Variants in NPAS3 observed in about 807,000 individuals in gnomAD.
NPAS3 encodes neuronal PAS domain protein 3.
NPAS3 carries 14 observed loss-of-function variants against 73.1 expected under a neutral mutation model. That is an observed-to-expected ratio of 0.19 (90% CI 0.13 to 0.30). The LOEUF (loss-of-function observed/expected upper bound fraction) is 0.30, where lower values mean the gene tolerates loss of function less well. Ranked by LOEUF, NPAS3 falls within the 10% of genes least tolerant of loss-of-function variation. The pLI, the probability that NPAS3 is intolerant of heterozygous loss-of-function variation, is 1.00. For synonymous variants in NPAS3, 620 were observed against 541.5 expected, an observed-to-expected ratio of 1.14 and a Z score of -2.01; for missense variants, 1,096 against 1,250.0, an observed-to-expected ratio of 0.88 and a Z score of 1.86.
At chr14:33,501,319 T>C (rs946476697) in intron 4 of NPAS3, among the ~76,000 whole-genome samples, 1 of 151,894 alleles carries the variant, frequency 6.6e-6, no homozygotes, top group South Asian at 2.1e-4. Context: ...AGCTCAGTAA[T>C]AGGTATTTTG....
chr14:33,331,907 C>T (rs997134967), intron 3 of NPAS3, among the ~76,000 whole-genome samples: 3 of 152,304 alleles, frequency 2.0e-5, no homozygotes, highest in South Asian at 4.1e-4. Flanking sequence ...GTGTTTATAT[C>T]GGATTCCCTG....
intron 2 of NPAS3, among the ~76,000 whole-genome samples, chr14:33,075,116 C>G (rs915878727): frequency 3.3e-5 from 5 of 152,116 alleles, no homozygotes; most frequent in African/African-American, 1.2e-4. Flanking sequence ...TCAGCATCAA[C>G]CCAGTTTTTG....
At chr14:33,554,106 C>A (rs2055243660) in intron 4 of NPAS3, among the ~76,000 whole-genome samples, 2 of 152,196 alleles carry the variant, frequency 1.3e-5, no homozygotes, top group African/African-American at 4.8e-5. Context: ...TCCAGCCAGG[C>A]TTCTCATATG....
At chr14:33,239,914 T>A (rs1039991219) in intron 3 of NPAS3, among the ~76,000 whole-genome samples, 2 of 151,838 alleles carry the variant, frequency 1.3e-5, no homozygotes. Flanking sequence ...GAAAAACTTA[T>A]GAGAGAATGC....
intron 4 of NPAS3, among the ~76,000 whole-genome samples, chr14:33,437,514 A>G (rs2049039826): frequency 6.6e-6 from 1 of 152,194 alleles, no homozygotes; most frequent in African/African-American, 2.4e-5. Flanking sequence ...CAAGGAATCC[A>G]ATTGACTGTC....
At chr14:33,573,552 A>G (rs1179797683) in intron 5 of NPAS3, among the ~76,000 whole-genome samples, 1 of 152,194 alleles carries the variant, frequency 6.6e-6, no homozygotes, top group African/African-American at 2.4e-5. Context: ...AGGGTTTGAA[A>G]GGCATTTTCC....
At chr14:33,747,570 A>G (rs1161195502) in intron 7 of NPAS3, among the ~76,000 whole-genome samples, 1 of 152,210 alleles carries the variant, frequency 6.6e-6, no homozygotes, top group Non-Finnish European at 1.5e-5. Context: ...CATCTGTGTA[A>G]TCAAATTCTC....
Position 33,078,195 on chromosome 14 carries a change from A to G in NPAS3, c.140+22201A>G, listed in dbSNP as rs1027014239. Among the ~76,000 whole-genome samples the G allele has an allele frequency of 2.4e-4, 36 of 152,148 alleles. 1 individual carries two copies. Among genetic ancestry groups the G allele is most frequent in the African/African-American group, 8.2e-4 (34 of 41,452 alleles). On this transcript the variant is annotated intron_variant, in intron 2 of 11. Coordinates refer to ENST00000356141, the Ensembl canonical transcript of NPAS3. ...TAAAAAAAAGAAAAAGAAAATACAT[A>G]TAGTTCTATTACTTGCCTGACGGAA...
intron 1 of NPAS3, among the ~76,000 whole-genome samples, chr14:32,941,431 T>C (rs1018514246): frequency 2.7e-5 from 4 of 149,290 alleles, no homozygotes; most frequent in African/African-American, 1.0e-4. Flanking sequence ...TCGTGTGCCA[T>C]TTTAGGAATT....
chr14:33,071,001 T>C (rs528469117), intron 2 of NPAS3, among the ~76,000 whole-genome samples: 1 of 152,360 alleles, frequency 6.6e-6, no homozygotes, highest in African/African-American at 2.4e-5. Context: ...TTGCTCTTAT[T>C]AGTATGTACT....
At chr14:33,661,910 A>G (rs1236352805) in intron 5 of NPAS3, among the ~76,000 whole-genome samples, 1 of 152,158 alleles carries the variant, frequency 6.6e-6, no homozygotes, top group Non-Finnish European at 1.5e-5. Context: ...TTCTCAACCA[A>G]TGCATTTTTG....
chr14:33,791,538 C>CT (rs1455278016), intron 9 of NPAS3, among the ~76,000 whole-genome samples: 4 of 152,320 alleles, frequency 2.6e-5, no homozygotes, highest in Admixed American at 6.5e-5. Context: ...GCAAAGAAGC[C>CT]TTTCAGCCCC....
intron 6 of NPAS3, among the ~76,000 whole-genome samples, chr14:33,729,082 A>C (rs1222601875): frequency 6.6e-6 from 1 of 152,226 alleles, no homozygotes; most frequent in East Asian, 1.9e-4. Flanking sequence ...ACAACAAAAA[A>C]CAAGTTAAGA....
intron 4 of NPAS3, among the ~76,000 whole-genome samples, chr14:33,378,974 T>G (rs1008156163): frequency 6.6e-6 from 1 of 152,204 alleles, no homozygotes; most frequent in African/African-American, 2.4e-5. Context: ...TGAAACTTTT[T>G]GAGCACTGAC....
At chr14:33,757,254 A>G (rs1426504233) in intron 7 of NPAS3, among the ~76,000 whole-genome samples, 2 of 152,196 alleles carry the variant, frequency 1.3e-5, no homozygotes, top group African/African-American at 2.4e-5. Flanking sequence ...GATAGTGACA[A>G]TGCTGCAACT....
At chr14:33,034,770 G>A (rs943774848) in intron 1 of NPAS3, among the ~76,000 whole-genome samples, 8 of 152,038 alleles carry the variant, frequency 5.3e-5, no homozygotes, top group Non-Finnish European at 7.4e-5. Flanking sequence ...AGCACCTAAC[G>A]CAGTGATCTC....
chr14:33,379,156 C>G (rs925058234), intron 4 of NPAS3, among the ~76,000 whole-genome samples: 1 of 151,768 alleles, frequency 6.6e-6, no homozygotes, highest in Non-Finnish European at 1.5e-5. Flanking sequence ...ACTTGGGTCT[C>G]ATCTCCAAAA....
At chr14:33,292,688 A>G (rs577865547) in intron 3 of NPAS3, among the ~76,000 whole-genome samples, 1 of 152,288 alleles carries the variant, frequency 6.6e-6, no homozygotes, top group African/African-American at 2.4e-5. Flanking sequence ...AAAAACAGAT[A>G]AAGTAGAACT....
chr14:33,088,058 G>A (rs1018926894), intron 2 of NPAS3, among the ~76,000 whole-genome samples: 3 of 152,162 alleles, frequency 2.0e-5, no homozygotes, highest in African/African-American at 4.8e-5. Flanking sequence ...ACCACGGTGC[G>A]GTTCCAAGAT....
Sources: allele counts gnomAD v4.1 joint callset (sites outside exome capture counted in the v4.1 genomes callset), GRCh38; gene constraint gnomAD v4.1.1; transcripts MANE v1.5; gene names NCBI Gene and HGNC (gene_info 2026-07-23, HGNC 2026-07-21).